NXPE4: variants seen among roughly 807,000 people sequenced by gnomAD.
The protein encoded by NXPE4 is neurexophilin and PC-esterase domain family member 4.
NXPE4 carries 42 observed loss-of-function variants against 33.3 expected under a neutral mutation model. That is an observed-to-expected ratio of 1.26 (90% confidence interval 0.98 to 1.63). The LOEUF (loss-of-function observed/expected upper bound fraction) is 1.63, where lower values mean the gene tolerates loss of function less well. NXPE4 is among the 40% of genes most tolerant of loss of function. The probability of loss-of-function intolerance (pLI) is 0.00; values close to 1 mark genes in which losing one functional copy is unlikely to be tolerated. For missense variants in NXPE4, 709 were observed against 647.6 expected (o/e 1.09, Z -1.03); for synonymous variants, 253 against 234.9 (o/e 1.08, Z -0.71).
intron 5 of NXPE4, among the ~76,000 whole-genome samples, chr11:114,577,014 TATATATATATATACATATATATATATAAA>T (rs1277543744): frequency 4.8e-5 from 1 of 20,818 alleles, no homozygotes; most frequent in African/African-American, 1.8e-4. Flanking sequence ...TAAAGTTATA[TATATATATATATACATATATATATATAAA>T]GTTATATATA....
the NXPE4 span, among the ~76,000 whole-genome samples, chr11:114,666,287 C>T: frequency 1.3e-5 from 2 of 152,030 alleles, no homozygotes; most frequent in South Asian, 2.1e-4. Context: ...TTCATTTTTA[C>T]GACATTTCTT....
the NXPE4 span, among the ~76,000 whole-genome samples, chr11:114,645,964 G>A: frequency 6.6e-6 from 1 of 152,070 alleles, no homozygotes; most frequent in African/African-American, 2.4e-5. Context: ...AATTAAATAT[G>A]TATATAGCCT....
the NXPE4 span, among the ~76,000 whole-genome samples, chr11:114,615,785 T>C: frequency 6.6e-6 from 1 of 151,652 alleles, no homozygotes; most frequent in African/African-American, 2.4e-5. Flanking sequence ...GTAACCACTG[T>C]TACCCAATGG....
chr11:114,643,226 A>C, the NXPE4 span, among the ~76,000 whole-genome samples: 1 of 152,018 alleles, frequency 6.6e-6, no homozygotes, highest in Non-Finnish European at 1.5e-5. Flanking sequence ...TTCTGATGAT[A>C]GTTTCTTTTG....
At chr11:114,601,791 G>A in the NXPE4 span, among the ~76,000 whole-genome samples, 67,213 of 67,550 alleles carry the variant, frequency 1, 33,444 homozygotes, top group Middle Eastern at 1. Flanking sequence ...TATAACATGT[G>A]ATATATGATT....
the NXPE4 span, among the ~76,000 whole-genome samples, chr11:114,639,137 G>C: frequency 1.3e-5 from 2 of 152,002 alleles, no homozygotes; most frequent in Non-Finnish European, 2.9e-5. Flanking sequence ...GAGCTTCCCG[G>C]CTGCTTTGTT....
the NXPE4 span, among the ~76,000 whole-genome samples, chr11:114,659,753 A>T: frequency 6.6e-5 from 10 of 152,276 alleles, no homozygotes; most frequent in East Asian, 1.9e-3. Flanking sequence ...CTAATCTTTC[A>T]TGTTAAGAAA....
At chr11:114,606,569 C>G in the NXPE4 span, among the ~76,000 whole-genome samples, 1 of 151,870 alleles carries the variant, frequency 6.6e-6, no homozygotes, top group Non-Finnish European at 1.5e-5. Context: ...CCACTGTTAC[C>G]TGGTTTATTA....
the NXPE4 span, among the ~76,000 whole-genome samples, chr11:114,651,549 C>T: frequency 6.6e-6 from 1 of 152,212 alleles, no homozygotes; most frequent in Non-Finnish European, 1.5e-5. Flanking sequence ...ATTGCCACTG[C>T]TGGCTTTGCT....
the NXPE4 span, among the ~76,000 whole-genome samples, chr11:114,621,825 T>C: frequency 6.6e-6 from 1 of 152,256 alleles, no homozygotes; most frequent in African/African-American, 2.4e-5. Flanking sequence ...GTAACCACTG[T>C]TACCTGCTGG....
At chr11:114,587,257 T>C (rs1252801283) in intron 2 of NXPE4, among the ~76,000 whole-genome samples, 3 of 152,234 alleles carry the variant, frequency 2.0e-5, no homozygotes, top group Admixed American at 2.0e-4. Context: ...AACAACCATT[T>C]GGTTCCTACG....
chr11:114,603,534 G>A, the NXPE4 span, among the ~76,000 whole-genome samples: 1 of 150,018 alleles, frequency 6.7e-6, no homozygotes, highest in Non-Finnish European at 1.5e-5. Flanking sequence ...CGTCTCCCAG[G>A]TAACTCCTGT....
chr11:114,651,867 C>T, the NXPE4 span, among the ~76,000 whole-genome samples: 4 of 152,168 alleles, frequency 2.6e-5, no homozygotes, highest in Non-Finnish European at 5.9e-5. Flanking sequence ...CCACCCGACC[C>T]AGAAGCCCAG....
At chr11:114,654,564 C>T in the NXPE4 span, among the ~76,000 whole-genome samples, 3 of 152,216 alleles carry the variant, frequency 2.0e-5, no homozygotes, top group Non-Finnish European at 2.9e-5. Flanking sequence ...TGAGTGAGAA[C>T]ATTCGGTGTT....
chr11:114,667,711 A>C, the NXPE4 span, among the ~76,000 whole-genome samples: 1 of 152,092 alleles, frequency 6.6e-6, no homozygotes, highest in African/African-American at 2.4e-5. Flanking sequence ...GACAGCAAAG[A>C]ACTGAGGCCT....
the NXPE4 span, among the ~76,000 whole-genome samples, chr11:114,601,873 A>C: frequency 5.4e-4 from 2 of 3,694 alleles, no homozygotes; most frequent in Non-Finnish European, 7.0e-4. Context: ...AATTATATAT[A>C]TTATATATAA....
the NXPE4 span, among the ~76,000 whole-genome samples, chr11:114,621,379 A>G: frequency 1.3e-5 from 2 of 152,094 alleles, no homozygotes; most frequent in African/African-American, 4.8e-5. Flanking sequence ...GCTGCATAAT[A>G]TCTGTTATCT....
intron 2 of NXPE4, among the ~76,000 whole-genome samples, chr11:114,586,550 C>T (rs1025598357): frequency 6.6e-6 from 1 of 152,088 alleles, no homozygotes; most frequent in Non-Finnish European, 1.5e-5. Flanking sequence ...TTAGCTAATC[C>T]CCCCATGTCC....
chr11:114,666,727 G>A, the NXPE4 span, among the ~76,000 whole-genome samples: 1 of 152,084 alleles, frequency 6.6e-6, no homozygotes, highest in African/African-American at 2.4e-5. Context: ...GCTGGCATAT[G>A]CATGTGAGAA....
Sources: gnomAD v4.1 joint callset for allele counts (sites outside exome capture counted in the v4.1 genomes callset) on GRCh38, gnomAD v4.1.1 for gene constraint, MANE v1.5 for transcripts, NCBI Gene and HGNC (gene_info 2026-07-23, HGNC 2026-07-21) for gene names.